DOCK1: variants seen among roughly 807,000 people sequenced by gnomAD.
DOCK1 encodes dedicator of cytokinesis protein 1.
DOCK1 carries 138 observed loss-of-function variants against 262.7 expected under a neutral mutation model. The ratio of observed to expected loss-of-function variants is 0.53; its 90% CI spans 0.46 to 0.61. The LOEUF is 0.61. Ranked by LOEUF, DOCK1 falls within the 20% of genes least tolerant of loss-of-function variation. The pLI, the probability that DOCK1 is intolerant of heterozygous loss-of-function variation, is 0.00. For missense variants in DOCK1, 1,908 were observed against 2,370.7 expected (o/e 0.80, Z 4.05); for synonymous variants, 866 against 867.4 (o/e 1.00, Z 0.03).
At chr10:127,196,929 G>T (rs1438360637) in intron 27 of DOCK1, among the ~76,000 whole-genome samples, 5 of 152,076 alleles carry the variant, frequency 3.3e-5, no homozygotes, top group Non-Finnish European at 7.4e-5. Flanking sequence ...ATGGGGGGTC[G>T]CTGGGGACCC....
chr10:127,323,396 G>A (rs1315952998), intron 29 of DOCK1, among the ~76,000 whole-genome samples: 1 of 152,196 alleles, frequency 6.6e-6, no homozygotes, highest in Non-Finnish European at 1.5e-5. Flanking sequence ...TTTGGTGGCT[G>A]AGCAAAGTGC....
chr10:127,217,855 A>T (rs1403025893), intron 27 of DOCK1, among the ~76,000 whole-genome samples: 1 of 152,198 alleles, frequency 6.6e-6, no homozygotes, highest in Non-Finnish European at 1.5e-5. Flanking sequence ...AACTCAAGTT[A>T]ATTTTTTTCA....
At chr10:127,354,333 T>C (rs1421804014) in intron 31 of DOCK1, among the ~76,000 whole-genome samples, 2 of 152,200 alleles carry the variant, frequency 1.3e-5, no homozygotes, top group African/African-American at 4.8e-5. Flanking sequence ...CTGCAGTGCC[T>C]AGACGCTAAC....
At chr10:126,955,316 G>A (rs979772974) in intron 1 of DOCK1, among the ~76,000 whole-genome samples, 2,968 of 152,278 alleles carry the variant, frequency 0.019, 46 homozygotes, top group African/African-American at 0.022. Context: ...TGTAGAGAAG[G>A]GGTTTCACTA....
At chr10:127,404,746 G>A (rs1565065271) in intron 40 of DOCK1, among the ~76,000 whole-genome samples, 2 of 148,292 alleles carry the variant, frequency 1.3e-5, no homozygotes, top group South Asian at 4.3e-4. Context: ...TAGTTCGGTG[G>A]CATTAATACA....
At chr10:127,187,422 A>G (rs574359948) in intron 27 of DOCK1, among the ~76,000 whole-genome samples, 1 of 152,340 alleles carries the variant, frequency 6.6e-6, no homozygotes, top group East Asian at 1.9e-4. Flanking sequence ...AAAGGAAAAC[A>G]TAAATCTTTC....
At chr10:126,949,495 A>G (rs2035989062) in intron 1 of DOCK1, among the ~76,000 whole-genome samples, 1 of 152,160 alleles carries the variant, frequency 6.6e-6, no homozygotes, top group Admixed American at 6.5e-5. Flanking sequence ...GATGAGACCC[A>G]TTCTTGTGAA....
At chr10:127,362,001 T>C (rs2064484221) in intron 32 of DOCK1, 63 bp from the exon 33 acceptor site, 1 of 1,491,876 alleles carries the variant, frequency 6.7e-7, no homozygotes, top group Admixed American at 2.2e-5. Context: ...GTTTTATCCA[T>C]TTAAGCCCAT....
chr10:127,408,049 C>CG (rs2067623248), intron 40 of DOCK1, among the ~76,000 whole-genome samples: 1 of 151,854 alleles, frequency 6.6e-6, no homozygotes, highest in Admixed American at 6.6e-5. Flanking sequence ...GTGTTGAAAT[C>CG]GGGAAAAAAA....
intron 27 of DOCK1, among the ~76,000 whole-genome samples, chr10:127,181,969 T>C (rs2055778082): frequency 6.6e-6 from 1 of 152,212 alleles, no homozygotes; most frequent in Admixed American, 6.5e-5. Context: ...ATTTTTTCCC[T>C]ACATTTGTTG....
intron 47 of DOCK1, among the ~76,000 whole-genome samples, chr10:127,426,448 A>G (rs532904354): frequency 2.0e-5 from 3 of 152,352 alleles, no homozygotes; most frequent in Admixed American, 1.3e-4. Context: ...CAAGGTTGAC[A>G]TCAGAGGATC....
intron 29 of DOCK1, among the ~76,000 whole-genome samples, chr10:127,271,133 T>G (rs192042149): frequency 5.8e-4 from 89 of 152,204 alleles, no homozygotes; most frequent in African/African-American, 2.0e-3. Context: ...GGATTTTTTT[T>G]TTGTCACTTA....
chr10:126,986,735 CCT>C (rs1429350764), intron 4 of DOCK1, among the ~76,000 whole-genome samples: 1 of 152,100 alleles, frequency 6.6e-6, no homozygotes, highest in Non-Finnish European at 1.5e-5. Flanking sequence ...TATGGTGAAA[CCT>C]CATCTCTACT....
chr10:127,104,606 A>G (rs2048425888), intron 23 of DOCK1, among the ~76,000 whole-genome samples: 1 of 152,230 alleles, frequency 6.6e-6, no homozygotes, highest in African/African-American at 2.4e-5. Context: ...GTAATTGCGT[A>G]GTATTTTCCA....
chr10:127,264,070 C>T (rs1439810851), intron 29 of DOCK1, among the ~76,000 whole-genome samples: 1 of 152,184 alleles, frequency 6.6e-6, no homozygotes, highest in Admixed American at 6.5e-5. Context: ...GAGGCCAGTA[C>T]TGAATGTAAT....
chr10:127,428,678 G>GTGCCGTGTGGATTGGGA (rs2069003491), intron 47 of DOCK1, among the ~76,000 whole-genome samples: 1 of 144,894 alleles, frequency 6.9e-6, no homozygotes, highest in Non-Finnish European at 1.5e-5. Context: ...GTGGATTGGG[G>GTGCCGTGTGGATTGGGA]TACCGTGTGG....
At chr10:127,056,912 G>A (rs2045194331) in intron 22 of DOCK1, among the ~76,000 whole-genome samples, 1 of 152,186 alleles carries the variant, frequency 6.6e-6, no homozygotes. Context: ...CATGCCCTTA[G>A]AATATTGGAC....
chr10:127,337,937 T>TA (rs758916375), intron 29 of DOCK1, among the ~76,000 whole-genome samples: 1 of 152,204 alleles, frequency 6.6e-6, no homozygotes, highest in Non-Finnish European at 1.5e-5. Context: ...GAGACCTCCT[T>TA]AAAACCCCAG....
At chr10:127,008,567 ATAACT>A (rs10542991) in intron 10 of DOCK1, among the ~76,000 whole-genome samples, 160 bp from the exon 11 acceptor site, 36,650 of 151,974 alleles carry the variant, frequency 0.24, 4,345 homozygotes, top group Middle Eastern at 0.28. Flanking sequence ...GCATTTTCTG[ATAACT>A]TAATTTGTCT....
Sources: gnomAD v4.1 joint callset for allele counts (sites outside exome capture counted in the v4.1 genomes callset) on GRCh38, gnomAD v4.1.1 for gene constraint, MANE v1.5 for transcripts, NCBI Gene and HGNC (gene_info 2026-07-23, HGNC 2026-07-21) for gene names.